Variants in TMEM178B observed in about 807,000 individuals in gnomAD.
The protein encoded by TMEM178B is transmembrane protein 178B.
A neutral mutation model predicts 31.0 loss-of-function variants in TMEM178B; 5 were observed. The observed-to-expected ratio is 0.16, with a 90% CI of 0.08 to 0.34. The LOEUF (loss-of-function observed/expected upper bound fraction) is 0.34. Ranked by LOEUF, TMEM178B falls within the 10% of genes least tolerant of loss-of-function variation. The pLI, the probability that TMEM178B is intolerant of heterozygous loss-of-function variation, is 1.00. For synonymous variants in TMEM178B, 164 were observed against 164.0 expected (o/e 1.00, Z 0.00); for missense variants, 275 against 400.3 (o/e 0.69, Z 2.67).
At chr7:141,314,095 C>T (rs1305102425) in intron 2 of TMEM178B, among the ~76,000 whole-genome samples, 1 of 152,246 alleles carries the variant, frequency 6.6e-6, no homozygotes, top group East Asian at 1.9e-4. Context: ...CACCTGACAT[C>T]TCTTTCATTT....
At chr7:141,088,965 G>A (rs564121059) in intron 1 of TMEM178B, among the ~76,000 whole-genome samples, 1 of 152,232 alleles carries the variant, frequency 6.6e-6, no homozygotes, top group South Asian at 2.1e-4. Context: ...CAGATCTAGT[G>A]CATTAACTGA....
At chr7:141,301,197 G>A (rs946981509) in intron 2 of TMEM178B, among the ~76,000 whole-genome samples, 2 of 152,142 alleles carry the variant, frequency 1.3e-5, no homozygotes, top group African/African-American at 4.8e-5. Context: ...GAGGAAATTG[G>A]GATTTAATTA....
At chr7:141,263,769 G>A (rs551076383) in intron 2 of TMEM178B, among the ~76,000 whole-genome samples, 7 of 152,274 alleles carry the variant, frequency 4.6e-5, no homozygotes, top group Non-Finnish European at 5.9e-5. Flanking sequence ...GGAACAGCCC[G>A]CAAGACTGCC....
At chr7:141,381,490 A>G (rs1185635057) in intron 2 of TMEM178B, among the ~76,000 whole-genome samples, 1 of 151,886 alleles carries the variant, frequency 6.6e-6, no homozygotes, top group Admixed American at 6.5e-5. Flanking sequence ...TTCTTTCCTG[A>G]GCTCCAAATA....
intron 2 of TMEM178B, among the ~76,000 whole-genome samples, chr7:141,375,207 TAGG>T (rs1800191714): frequency 6.6e-6 from 1 of 152,214 alleles, no homozygotes; most frequent in South Asian, 2.1e-4. Context: ...TTTTAATAAT[TAGG>T]AGTAAATTAT....
intron 2 of TMEM178B, among the ~76,000 whole-genome samples, chr7:141,241,163 GC>G (rs1797611964): frequency 6.7e-6 from 1 of 150,060 alleles, no homozygotes. Flanking sequence ...TTAATCCCTA[GC>G]CCCCTCCCAT....
chr7:141,407,674 A>G (rs1800908254), intron 2 of TMEM178B, among the ~76,000 whole-genome samples: 1 of 152,232 alleles, frequency 6.6e-6, no homozygotes, highest in Admixed American at 6.5e-5. Context: ...CAGAGAAGGT[A>G]ACTGACTTTC....
chr7:141,379,360 CT>C (rs1800274322), intron 2 of TMEM178B, among the ~76,000 whole-genome samples: 1 of 151,926 alleles, frequency 6.6e-6, no homozygotes. Context: ...CAGCATGCAC[CT>C]GTAGTCTCAG....
At chr7:141,341,543 C>T (rs1032423882) in intron 2 of TMEM178B, among the ~76,000 whole-genome samples, 1 of 152,212 alleles carries the variant, frequency 6.6e-6, no homozygotes, top group Non-Finnish European at 1.5e-5. Flanking sequence ...CTGATTTCAG[C>T]TCCCCCTGAG....
chr7:141,491,512 T>G, the TMEM178B span, among the ~76,000 whole-genome samples: 1 of 152,216 alleles, frequency 6.6e-6, no homozygotes, highest in Non-Finnish European at 1.5e-5. Flanking sequence ...ACTCCCTATG[T>G]TCACCCTATT....
chr7:141,272,714 C>T (rs945323137), intron 2 of TMEM178B, among the ~76,000 whole-genome samples: 10 of 152,208 alleles, frequency 6.6e-5, no homozygotes, highest in African/African-American at 7.2e-5. Context: ...CCACCCTGAG[C>T]AGTGTAGGCA....
rs28393456 is a variant in TMEM178B, at chr7:141,318,388, A to G, written c.496+105684A>G. Among the ~76,000 whole-genome samples the G allele has an allele frequency of 6.6e-6, 1 of 152,226 alleles. No homozygotes were observed. The highest frequency in any genetic ancestry group is 1.5e-5 in the Non-Finnish European group (1 of 68,042). On this transcript the variant is annotated intron_variant, in intron 2 of 3. Transcript: ENST00000565468. This position sits in a 1 kb window ranked among gnomAD's most constrained non-coding sequence, Gnocchi z 4.1. ...CAAAGCTTGGTTGTTCACATATCCAAGCTGGCTTGAATTAATCTAGTGGGG... is the reference window on the plus strand; with the variant it reads ...CAAAGCTTGGTTGTTCACATATCCAGGCTGGCTTGAATTAATCTAGTGGGG...
intron 2 of TMEM178B, among the ~76,000 whole-genome samples, chr7:141,343,148 A>G (rs1799548421): frequency 6.6e-6 from 1 of 152,160 alleles, no homozygotes; most frequent in Non-Finnish European, 1.5e-5. Flanking sequence ...GCATTTAAGA[A>G]CTGCTGCCCT....
At chr7:141,241,202 A>G (rs1797612740) in intron 2 of TMEM178B, among the ~76,000 whole-genome samples, 2 of 150,858 alleles carry the variant, frequency 1.3e-5, no homozygotes. Context: ...TCTGAAGTCC[A>G]TTATATCACT....
chr7:141,263,375 G>A (rs4725551), intron 2 of TMEM178B, among the ~76,000 whole-genome samples: 7,261 of 152,242 alleles, frequency 0.048, 286 homozygotes, highest in Admixed American at 0.12. Context: ...ACAGGTGGCA[G>A]TTTCCCAGGT....
At chr7:141,128,643 C>G (rs561190190) in intron 1 of TMEM178B, among the ~76,000 whole-genome samples, 1 of 152,038 alleles carries the variant, frequency 6.6e-6, no homozygotes, top group South Asian at 2.1e-4. Context: ...ATGGGGTTAA[C>G]TCTTGAACCA....
At chr7:141,490,855 T>C in the TMEM178B span, among the ~76,000 whole-genome samples, 3 of 152,138 alleles carry the variant, frequency 2.0e-5, no homozygotes, top group Non-Finnish European at 2.9e-5. Flanking sequence ...TTTAATTCAC[T>C]CCTCACCATG....
At chr7:141,425,662 C>T (rs762567816) in intron 2 of TMEM178B, among the ~76,000 whole-genome samples, 1 of 152,176 alleles carries the variant, frequency 6.6e-6, no homozygotes, top group East Asian at 1.9e-4. Context: ...CTTGGTCTTG[C>T]GTTTTACCCC....
Position 141,478,246 on chromosome 7 carries a change from AG to A in TMEM178B, c.*7462del, listed in dbSNP as rs1802410156. 6.6e-6 allele frequency: 1 copy of A among 152,654 alleles called. No homozygotes were observed. The highest frequency in any genetic ancestry group is 1.5e-5 in the Non-Finnish European group (1 of 68,288). The allele number at this position is 152,654 out of a possible 1,614,324, so 9.5% of individuals were successfully genotyped here. A position where few individuals can be genotyped will look rare whatever the true frequency, so the allele number is the denominator to read the frequency against. On this transcript the variant is annotated 3_prime_UTR_variant, in exon 4 of 4. Coordinates refer to ENST00000565468, the MANE Select transcript of TMEM178B (RefSeq NM_001195278.2). The stretch of plus-strand genomic sequence containing the variant: ...AAAATCCTCAGCAAGGCAGCAGAGA[AG>A]GATCCTCAAAGCAGTAACCCTGAAG...
Sources: allele counts gnomAD v4.1 joint callset (sites outside exome capture counted in the v4.1 genomes callset), GRCh38; gene constraint gnomAD v4.1.1; non-coding constraint Gnocchi (gnomAD v3.1); transcripts MANE v1.5; gene names NCBI Gene and HGNC (gene_info 2026-07-23, HGNC 2026-07-21).